The following ATP8B4 variants were observed in gnomAD, a reference collection of about 807,000 sequenced individuals.
ATP8B4 encodes ATPase phospholipid transporting 8B4 (putative), also known as probable phospholipid-transporting ATPase IM.
Under a neutral mutation model 145.6 loss-of-function variants are expected in ATP8B4, and 133 were observed. That is an observed-to-expected ratio of 0.91 (90% confidence interval 0.79 to 1.05). The LOEUF (loss-of-function observed/expected upper bound fraction) is 1.05. Among genes scored for constraint, ATP8B4 ranks in the 50% least tolerant of loss-of-function variants. The pLI, the probability that ATP8B4 is intolerant of heterozygous loss-of-function variation, is 0.00. For synonymous variants in ATP8B4, 507 were observed against 492.9 expected (o/e 1.03, Z -0.38); for missense variants, 1,458 against 1,425.2 (o/e 1.02, Z -0.37).
At chr15:49,964,334 GA>G (rs886528751) in intron 13 of ATP8B4, among the ~76,000 whole-genome samples, 9 of 146,500 alleles carry the variant, frequency 6.1e-5, no homozygotes, top group South Asian at 4.3e-4. Flanking sequence ...AAGAGAAAAA[GA>G]AAAAAAAAAC....
At chr15:49,903,634 C>T (rs2038292364) in intron 20 of ATP8B4, among the ~76,000 whole-genome samples, 1 of 152,204 alleles carries the variant, frequency 6.6e-6, no homozygotes, top group Non-Finnish European at 1.5e-5. Flanking sequence ...TGGTTCATGC[C>T]TGTAATCCCA....
At chr15:49,958,521 G>A (rs1052136904) in intron 14 of ATP8B4, among the ~76,000 whole-genome samples, 1 of 151,486 alleles carries the variant, frequency 6.6e-6, no homozygotes, top group African/African-American at 2.4e-5. Context: ...ACATAATTAA[G>A]ACAGGAAAGG....
At chr15:50,115,771 C>T (rs887745900) in intron 1 of ATP8B4, among the ~76,000 whole-genome samples, 13 of 152,112 alleles carry the variant, frequency 8.5e-5, no homozygotes, top group Non-Finnish European at 4.4e-5. Context: ...GAACTTGACA[C>T]GTGTTGTCTT....
intron 8 of ATP8B4, among the ~76,000 whole-genome samples, chr15:49,999,856 C>T (rs532297398): frequency 3.3e-5 from 5 of 152,142 alleles, no homozygotes; most frequent in African/African-American, 4.8e-5. Context: ...GCCTTTCCCA[C>T]CCCATCTTAA....
chr15:50,031,202 C>T (rs946817542), intron 6 of ATP8B4, among the ~76,000 whole-genome samples: 1 of 152,076 alleles, frequency 6.6e-6, no homozygotes, highest in Admixed American at 6.5e-5. Context: ...GCTGTTACAC[C>T]CATAAAAGTG....
intron 13 of ATP8B4, among the ~76,000 whole-genome samples, chr15:49,971,577 T>C (rs2045136714): frequency 6.6e-6 from 1 of 152,088 alleles, no homozygotes; most frequent in South Asian, 2.1e-4. Flanking sequence ...TGAGACATCA[T>C]CTCAGGCCAG....
At chr15:50,034,136 C>T (rs775712303) in intron 6 of ATP8B4, among the ~76,000 whole-genome samples, 18 of 151,864 alleles carry the variant, frequency 1.2e-4, no homozygotes, top group Non-Finnish European at 2.1e-4. Flanking sequence ...GACAAATATC[C>T]ACACTGCTTT....
intron 1 of ATP8B4, among the ~76,000 whole-genome samples, chr15:50,124,696 G>A (rs1461561666): frequency 1.3e-5 from 2 of 152,056 alleles, no homozygotes; most frequent in African/African-American, 4.8e-5. Context: ...TTCCCTCAAG[G>A]GCTCTCCTGA....
chr15:50,060,280 C>G (rs1233451034), intron 3 of ATP8B4, among the ~76,000 whole-genome samples: 1 of 152,124 alleles, frequency 6.6e-6, no homozygotes, highest in Non-Finnish European at 1.5e-5. Flanking sequence ...GAACAAAGAC[C>G]TTCCTCACAA....
intron 10 of ATP8B4, among the ~76,000 whole-genome samples, chr15:49,985,861 C>T (rs1205822910): frequency 6.6e-6 from 1 of 152,110 alleles, no homozygotes; most frequent in Non-Finnish European, 1.5e-5. Context: ...CCCTAATGTA[C>T]TCATTATTAT....
intron 3 of ATP8B4, among the ~76,000 whole-genome samples, chr15:50,063,446 A>T (rs565705340): frequency 6.6e-6 from 1 of 152,112 alleles, no homozygotes; most frequent in Non-Finnish European, 1.5e-5. Context: ...CAATACAGAG[A>T]GATGCTAAAG....
At chr15:49,940,235 GC>G (rs1379107791) in intron 14 of ATP8B4, among the ~76,000 whole-genome samples, 1 of 152,140 alleles carries the variant, frequency 6.6e-6, no homozygotes, top group African/African-American at 2.4e-5. Flanking sequence ...ATGAAATCAT[GC>G]CCTTTGTAGC....
At chr15:50,154,860 G>A (rs113109057) in intron 1 of ATP8B4, among the ~76,000 whole-genome samples, 3 of 152,184 alleles carry the variant, frequency 2.0e-5, no homozygotes, top group African/African-American at 7.2e-5. Context: ...TGTTTTGGTA[G>A]AGACAGGGTT....
chr15:50,018,706 G>C (rs1363585168), intron 6 of ATP8B4, among the ~76,000 whole-genome samples: 1 of 152,132 alleles, frequency 6.6e-6, no homozygotes, highest in East Asian at 1.9e-4. Flanking sequence ...TCCAAGCTTT[G>C]TCCCCATAAA....
intron 1 of ATP8B4, among the ~76,000 whole-genome samples, chr15:50,116,788 C>A (rs1369716969): frequency 2.0e-5 from 3 of 151,556 alleles, no homozygotes; most frequent in Non-Finnish European, 4.4e-5. Context: ...TACTCAAACT[C>A]CAGTTGAGTA....
chr15:50,108,779 A>C (rs762584808), intron 1 of ATP8B4, among the ~76,000 whole-genome samples: 3 of 152,164 alleles, frequency 2.0e-5, no homozygotes, highest in Non-Finnish European at 4.4e-5. Context: ...GAGAGCCCCT[A>C]TCACTCTAGA....
At chr15:50,024,953 G>A (rs16963246) in intron 6 of ATP8B4, among the ~76,000 whole-genome samples, 4,146 of 152,228 alleles carry the variant, frequency 0.027, 70 homozygotes, top group Non-Finnish European at 0.04. Context: ...AGCCAGCAGC[G>A]ATGTGCACAA....
chr15:49,861,885 G>A (rs1022441377), intron 27 of ATP8B4, among the ~76,000 whole-genome samples: 1 of 152,110 alleles, frequency 6.6e-6, no homozygotes, highest in Admixed American at 6.6e-5. Flanking sequence ...CTTTTATTGT[G>A]CTTGTACTTG....
intron 2 of ATP8B4, among the ~76,000 whole-genome samples, chr15:50,084,969 T>C (rs957937886): frequency 6.6e-6 from 1 of 152,204 alleles, no homozygotes; most frequent in Non-Finnish European, 1.5e-5. Context: ...TGTAAGGTAA[T>C]GTATTCACAG....
Sources: allele counts gnomAD v4.1 joint callset (sites outside exome capture counted in the v4.1 genomes callset), GRCh38; gene constraint gnomAD v4.1.1; transcripts MANE v1.5; gene names NCBI Gene and HGNC (gene_info 2026-07-23, HGNC 2026-07-21).